Variants in COL26A1 observed in about 807,000 individuals in gnomAD.
COL26A1 encodes collagen alpha-1(XXVI) chain.
In COL26A1, 41 loss-of-function variants were observed where a neutral mutation model predicts 59.3. The ratio of observed to expected loss-of-function variants is 0.69; its 90% confidence interval spans 0.54 to 0.90. The LOEUF (loss-of-function observed/expected upper bound fraction) is 0.90. COL26A1 is among the 40% of genes least tolerant of loss of function. The pLI is 0.00. For synonymous variants in COL26A1, 266 were observed against 256.0 expected, an observed-to-expected ratio of 1.04 and a Z score of -0.37; for missense variants, 612 against 602.3, an observed-to-expected ratio of 1.02 and a Z score of -0.17.
rs570571679 is a variant in COL26A1 at position 101,518,557 on chromosome 7, G to A, written c.386-14525G>A. Among the ~76,000 whole-genome samples the A allele has an allele frequency of 1.5e-3, 235 of 152,326 alleles. 1 individual carries two copies. The highest frequency in any genetic ancestry group is 0.01 in the Middle Eastern group (3 of 294). ...TTGGTGTCATCTTTCAGGCCCAGGC[G>A]GGGCCAGCTGCCAGCTTTGCGGGGC... On this transcript the variant is annotated intron_variant, in intron 3 of 12. Coordinates refer to ENST00000313669, the MANE Select transcript of COL26A1 (RefSeq NM_001278563.3).
At chr7:101,521,649 A>T (rs962660062) in intron 3 of COL26A1, among the ~76,000 whole-genome samples, 1 of 152,188 alleles carries the variant, frequency 6.6e-6, no homozygotes, top group African/African-American at 2.4e-5. Flanking sequence ...ACAAGGTTGG[A>T]TTGGCATTTG....
At chr7:101,471,654 AC>A (rs1793908831) in intron 3 of COL26A1, among the ~76,000 whole-genome samples, 1 of 135,426 alleles carries the variant, frequency 7.4e-6, no homozygotes, top group Non-Finnish European at 1.5e-5. Flanking sequence ...GTCTCAGCTC[AC>A]TGCAACCTCC....
intron 3 of COL26A1, among the ~76,000 whole-genome samples, chr7:101,516,104 G>T (rs1563022407): frequency 6.6e-6 from 1 of 152,146 alleles, no homozygotes; most frequent in Non-Finnish European, 1.5e-5. Context: ...TTTAGCCCTG[G>T]GTTGGCCACC....
Position 101,547,161 on chromosome 7 carries a change from G to T in COL26A1, c.862G>T (p.Asp288Tyr). 6.3e-7 allele frequency: 1 copy of T among 1,593,964 alleles called. No individual in the cohort carries two copies. Among genetic ancestry groups the T allele is most frequent in the South Asian group, 1.1e-5 (1 of 87,026 alleles). Residue 288 changes from aspartate (D) to tyrosine (Y), a missense_variant, in exon 8 of 13, where the codon GAC becomes TAC. Physicochemically the swap from Asp to Tyr is radical, Grantham distance 160. Coordinates refer to ENST00000313669, the MANE Select transcript of COL26A1 (RefSeq NM_001278563.3). ...CCGCTCCGCTCTTCCCACAGATGGA[G>T]ACTCAAGGCTGGCCTCTGCCATCGT... ...LQPPTDKDNG[D>Y]SRLASAIVDT...
At chr7:101,481,284 C>A (rs1283519237) in intron 3 of COL26A1, among the ~76,000 whole-genome samples, 1 of 152,034 alleles carries the variant, frequency 6.6e-6, no homozygotes, top group Non-Finnish European at 1.5e-5. Flanking sequence ...ATGATAGCCA[C>A]CCCACCCAAG....
At chr7:101,536,790 G>A (rs1795491842) in intron 4 of COL26A1, among the ~76,000 whole-genome samples, 1 of 152,246 alleles carries the variant, frequency 6.6e-6, no homozygotes, top group Admixed American at 6.5e-5. Context: ...GATTGGTTTG[G>A]TGTCCAAAGA....
chr7:101,491,859 G>A (rs973779247), intron 3 of COL26A1, among the ~76,000 whole-genome samples: 8 of 152,208 alleles, frequency 5.3e-5, no homozygotes, highest in African/African-American at 1.4e-4. Flanking sequence ...AACCATCTGG[G>A]AATGCACGCA....
At chr7:101,456,322 C>T (rs930954613) in intron 3 of COL26A1, among the ~76,000 whole-genome samples, 2 of 151,664 alleles carry the variant, frequency 1.3e-5, no homozygotes, top group African/African-American at 4.8e-5. Flanking sequence ...AGCAATCCTC[C>T]TACCTCAGCC....
chr7:101,366,906 C>T (rs370694257), intron 1 of COL26A1, among the ~76,000 whole-genome samples: 2 of 152,106 alleles, frequency 1.3e-5, no homozygotes, highest in Non-Finnish European at 2.9e-5. Flanking sequence ...AAGTCTTCCC[C>T]CTTTGAGAGA....
chr7:101,381,404 T>C (rs1791443693), intron 1 of COL26A1, among the ~76,000 whole-genome samples: 1 of 152,226 alleles, frequency 6.6e-6, no homozygotes, highest in Non-Finnish European at 1.5e-5. Context: ...TTCAGTATGC[T>C]TAATTTAATC....
At chr7:101,537,837 C>T (rs1234958710) in intron 4 of COL26A1, among the ~76,000 whole-genome samples, 3 of 152,158 alleles carry the variant, frequency 2.0e-5, no homozygotes, top group Non-Finnish European at 4.4e-5. Context: ...TCCCTGCCTC[C>T]TCTCATGGTC....
At chr7:101,466,833 TGTGTGAGA>T (rs1165024672) in intron 3 of COL26A1, among the ~76,000 whole-genome samples, 108 of 111,740 alleles carry the variant, frequency 9.7e-4, no homozygotes, top group African/African-American at 4.1e-3. Context: ...TGTGTGTGTG[TGTGTGAGA>T]GAGAGAGATT....
At chr7:101,535,263 G>C (rs1490704241) in intron 4 of COL26A1, among the ~76,000 whole-genome samples, 2 of 152,168 alleles carry the variant, frequency 1.3e-5, no homozygotes, top group Non-Finnish European at 2.9e-5. Context: ...CCTAGAATGA[G>C]TATAGGGGAA....
At chr7:101,518,799 C>A (rs1430392648) in intron 3 of COL26A1, among the ~76,000 whole-genome samples, 1 of 152,186 alleles carries the variant, frequency 6.6e-6, no homozygotes, top group Non-Finnish European at 1.5e-5. Context: ...ATTTTTGTTG[C>A]AATGAAATCC....
In COL26A1 at chr7:101,409,780, A is replaced by T. The variant is rs1441478584; in HGVS notation, c.159-10197A>T. Among the ~76,000 whole-genome samples, 3 of 151,610 alleles carry T rather than the reference A, an allele frequency of 2.0e-5. No homozygotes were observed. The East Asian group carries it at 5.8e-4, about 29-fold the overall frequency. ...TCAGAGGCTAGGGTCTTTTTTTTTGAGACGGAGTCTCGCTCTGTTGCCCAG... is the reference window on the plus strand; with the variant it reads ...TCAGAGGCTAGGGTCTTTTTTTTTGTGACGGAGTCTCGCTCTGTTGCCCAG... On this transcript the variant is annotated intron_variant, in intron 1 of 12. Transcript: ENST00000313669.
At chr7:101,483,996 T>A (rs1414187068) in intron 3 of COL26A1, among the ~76,000 whole-genome samples, 6 of 134,638 alleles carry the variant, frequency 4.5e-5, no homozygotes, top group Admixed American at 4.3e-4. Flanking sequence ...TTAAAGTGTG[T>A]GTGTGTGTGT....
At chr7:101,459,051 C>T (rs185227735) in intron 3 of COL26A1, among the ~76,000 whole-genome samples, 4 of 152,110 alleles carry the variant, frequency 2.6e-5, no homozygotes, top group African/African-American at 9.7e-5. Context: ...TGGCCTCAAG[C>T]GATCCTCCCA....
In COL26A1 at chr7:101,396,944, G is replaced by T. The variant is rs886576926; in HGVS notation, c.159-23033G>T. 7.0e-4 allele frequency among the ~76,000 whole-genome samples: 106 copies of T among 152,290 alleles called. 1 individual carries two copies. Among genetic ancestry groups the T allele is most frequent in the East Asian group, 1.7e-3 (9 of 5,186 alleles). ...GTGGCTGTGGGGTGCTCCTTCAGCAGCCCAGGCCTGGGGTGACGCTGGGTA... is the reference window on the plus strand; with the variant it reads ...GTGGCTGTGGGGTGCTCCTTCAGCATCCCAGGCCTGGGGTGACGCTGGGTA... On this transcript the variant is annotated intron_variant, in intron 1 of 12. Transcript: ENST00000313669.
chr7:101,469,074 G>A (rs1793833232), intron 3 of COL26A1, among the ~76,000 whole-genome samples: 1 of 152,154 alleles, frequency 6.6e-6, no homozygotes, highest in Non-Finnish European at 1.5e-5. Context: ...CAGCAGACAC[G>A]CATGTTGAGC....
Sources: allele counts gnomAD v4.1 joint callset (sites outside exome capture counted in the v4.1 genomes callset), GRCh38; gene constraint gnomAD v4.1.1; transcripts MANE v1.5; gene names NCBI Gene and HGNC (gene_info 2026-07-23, HGNC 2026-07-21).